The following KLKB1 variants were observed in gnomAD, a reference collection of about 807,000 sequenced individuals.
KLKB1 encodes kallikrein B1, also known as plasma kallikrein.
KLKB1 carries 58 observed loss-of-function variants against 73.6 expected under a neutral mutation model. The observed-to-expected ratio is 0.79, with a 90% CI of 0.64 to 0.98. KLKB1 has a LOEUF of 0.98. Among genes scored for constraint, KLKB1 ranks in the 50% least tolerant of loss-of-function variants. The pLI, the probability that KLKB1 is intolerant of heterozygous loss-of-function variation, is 0.00. For synonymous variants in KLKB1, 280 were observed against 258.1 expected, an observed-to-expected ratio of 1.08 and a Z score of -0.81; for missense variants, 737 against 763.8, an observed-to-expected ratio of 0.96 and a Z score of 0.41.
chr4:186,224,481 C>T (rs1043175008), upstream of KLKB1, among the ~76,000 whole-genome samples: 1 of 152,202 alleles, frequency 6.6e-6, no homozygotes, highest in Admixed American at 6.5e-5. Flanking sequence ...GGGTGTGAGA[C>T]AGGGGCTCCA....
intron 7 of KLKB1, 21 bp downstream of exon 7, chr4:186,250,423 G>T (rs370624653): frequency 2.5e-6 from 4 of 1,612,446 alleles, no homozygotes; most frequent in Admixed American, 1.7e-5. Flanking sequence ...ATGGAAAATC[G>T]CATCACAAAG....
At position 186,232,171 on chromosome 4, in the gene KLKB1, G is replaced by A. The variant is rs754965474; in HGVS notation, c.103G>A (p.Asp35Asn). ...LYENAFFRGGDVASMYTPNAQ... is the reference protein window; with the variant it reads ...LYENAFFRGGNVASMYTPNAQ... ...TGAAAACGCCTTCTTCAGAGGTGGG[G>A]ATGTAGCTTCCATGTACACCCCAAA... Residue 35 changes from aspartate to asparagine, a missense_variant, in exon 3 of 15, where the codon GAT becomes AAT. Transcript: ENST00000264690. 2.7e-5 allele frequency: 44 copies of A among 1,613,972 alleles called. No homozygotes were observed. The highest frequency in any genetic ancestry group is 1.6e-4 in the Middle Eastern group (1 of 6,062).
At chr4:186,254,784 G>A (rs1738896325) in intron 12 of KLKB1, 21 bp downstream of exon 12, 1 of 1,598,058 alleles carries the variant, frequency 6.3e-7, no homozygotes, top group Admixed American at 1.7e-5. Context: ...TATGTAAGAA[G>A]GTGGAGAGCA....
chr4:186,244,310 C>T (rs1313598940), intron 6 of KLKB1, among the ~76,000 whole-genome samples: 1 of 151,592 alleles, frequency 6.6e-6, no homozygotes. Flanking sequence ...CTTAACCATA[C>T]CTAGGAAGAA....
chr4:186,222,228 T>C (rs548072494), upstream of KLKB1, among the ~76,000 whole-genome samples: 27 of 152,328 alleles, frequency 1.8e-4, no homozygotes, highest in African/African-American at 6.3e-4. Flanking sequence ...CTCTCTCTTT[T>C]GATTGGATAA....
intron 14 of KLKB1, among the ~76,000 whole-genome samples, chr4:186,257,783 G>A (rs1739091121): frequency 6.8e-6 from 1 of 148,044 alleles, no homozygotes; most frequent in African/African-American, 2.5e-5. Flanking sequence ...GTGTGTGTCT[G>A]GCAAGCAAGG....
chr4:186,215,474 C>T lies in KLKB1; in HGVS notation c.201+6202C>T, dbSNP rs12642666. Among the ~76,000 whole-genome samples the T allele has an allele frequency of 6.2e-4, 90 of 144,432 alleles. 1 individual carries two copies. The East Asian group carries it at 0.013, about 21-fold the overall frequency. The allele number at this position is 144,432 out of a possible 152,430, so 94.8% of individuals were successfully genotyped here. ...GCTTTCCTTTTTTTTTTTCTATATT[C>T]TACCTCTAGGCTTTGCGTCCTTGCT... On this transcript the variant is annotated intron_variant, in intron 2 of 14. Coordinates refer to the KLKB1 transcript ENST00000511608.
chr4:186,241,494 A>C (rs1021471024), intron 6 of KLKB1, among the ~76,000 whole-genome samples: 1 of 152,164 alleles, frequency 6.6e-6, no homozygotes, highest in Non-Finnish European at 1.5e-5. Flanking sequence ...TTATATTTAC[A>C]GATTTCCTTC....
At chr4:186,246,403 T>C (rs1377047012) in intron 6 of KLKB1, among the ~76,000 whole-genome samples, 1 of 152,124 alleles carries the variant, frequency 6.6e-6, no homozygotes, top group Non-Finnish European at 1.5e-5. Context: ...GAGGGACCAA[T>C]GTGTAAAAGA....
intron 4 of KLKB1, among the ~76,000 whole-genome samples, chr4:186,235,898 G>T (rs976757531): frequency 6.6e-6 from 1 of 151,954 alleles, no homozygotes; most frequent in East Asian, 1.9e-4. Flanking sequence ...GGCGGATCAC[G>T]AGGTCAGGAG....
intron 6 of KLKB1, among the ~76,000 whole-genome samples, chr4:186,239,367 G>A (rs1022356531): frequency 7.3e-5 from 11 of 150,642 alleles, no homozygotes; most frequent in African/African-American, 2.5e-4. Flanking sequence ...CAGTGATACT[G>A]TTAGAGTTAT....
At chr4:186,252,876 G>A (rs4253306) in intron 11 of KLKB1, among the ~76,000 whole-genome samples, 6 of 152,054 alleles carry the variant, frequency 3.9e-5, no homozygotes, top group South Asian at 4.1e-4. Flanking sequence ...TGAGAGTTTC[G>A]TACTCTGTAT....
intron 6 of KLKB1, among the ~76,000 whole-genome samples, chr4:186,243,275 GGTTAGTGGCTT>G (rs1174783311): frequency 2.0e-5 from 3 of 152,160 alleles, no homozygotes; most frequent in African/African-American, 7.2e-5. Flanking sequence ...TTAAGAGGTG[GGTTAGTGGCTT>G]GTAACTTACA....
At chr4:186,235,941 C>T (rs1737645944) in intron 4 of KLKB1, among the ~76,000 whole-genome samples, 1 of 151,674 alleles carries the variant, frequency 6.6e-6, no homozygotes, top group Non-Finnish European at 1.5e-5. Flanking sequence ...CGGTGAAACC[C>T]CGTCTCTACT....
chr4:186,238,808 A>C (rs1014216911), intron 6 of KLKB1, among the ~76,000 whole-genome samples: 2 of 152,206 alleles, frequency 1.3e-5, no homozygotes, highest in Admixed American at 6.5e-5. Flanking sequence ...ACAGTAAGAT[A>C]ATTAATTTGT....
intron 2 of KLKB1, 87 bp from the exon 3 acceptor site, chr4:186,232,040 C>G: frequency 9.5e-7 from 1 of 1,050,864 alleles, no homozygotes; most frequent in South Asian, 1.6e-5. Context: ...AGTAGTCAGT[C>G]AGTGGGAGAA....
chr4:186,253,160 C>A (rs1316677034), intron 11 of KLKB1, among the ~76,000 whole-genome samples: 1 of 152,138 alleles, frequency 6.6e-6, no homozygotes, highest in Non-Finnish European at 1.5e-5. Context: ...AGAACATAAA[C>A]ACTTCAAAAA....
intron 6 of KLKB1, among the ~76,000 whole-genome samples, chr4:186,239,129 T>C (rs1422551827): frequency 2.6e-4 from 36 of 135,894 alleles, no homozygotes; most frequent in African/African-American, 9.7e-4. Context: ...GATACTGTTA[T>C]AGGAAACTAG....
chr4:186,251,129 G>C, intron 7 of KLKB1, 90 bp from the exon 8 acceptor site: 1 of 815,974 alleles, frequency 1.2e-6, no homozygotes, highest in Non-Finnish European at 2.1e-6. Flanking sequence ...TTGCTGCGTT[G>C]CTTTTTGGGT....
Sources: gnomAD v4.1 joint callset for allele counts (sites outside exome capture counted in the v4.1 genomes callset) on GRCh38, gnomAD v4.1.1 for gene constraint, MANE v1.5 for transcripts, NCBI Gene and HGNC (gene_info 2026-07-23, HGNC 2026-07-21) for gene names.